FBXL5: variants seen among roughly 807,000 people sequenced by gnomAD.
The protein encoded by FBXL5 is F-box/LRR-repeat protein 5.
FBXL5 carries 26 observed loss-of-function variants against 78.3 expected under a neutral mutation model. The ratio of observed to expected loss-of-function variants is 0.33; its 90% CI spans 0.24 to 0.46. FBXL5 has a LOEUF of 0.46. Ranked by LOEUF, FBXL5 falls within the 20% of genes least tolerant of loss-of-function variation. The pLI is 1.00. For synonymous variants in FBXL5, 295 were observed against 282.5 expected (o/e 1.04, Z -0.45); for missense variants, 710 against 829.2 (o/e 0.86, Z 1.77).
intron 2 of FBXL5, 40 bp from the exon 3 acceptor site, chr4:15,640,923 G>T (rs368901189): frequency 1.7e-6 from 2 of 1,147,592 alleles, no homozygotes; most frequent in Non-Finnish European, 2.4e-6. Context: ...TAAAAGTTTC[G>T]CTTCATTAAT....
At chr4:15,615,774 C>T (rs1452924841) in intron 9 of FBXL5, among the ~76,000 whole-genome samples, 1 of 151,868 alleles carries the variant, frequency 6.6e-6, no homozygotes, top group Non-Finnish European at 1.5e-5. Context: ...CAATCAGCGC[C>T]CTGACAAAAA....
In FBXL5 at chr4:15,638,275, G is replaced by A. The variant is rs1714489350; in HGVS notation, c.583+233C>T. On this transcript the variant is annotated intron_variant, in intron 4 of 10. Coordinates refer to ENST00000341285, the MANE Select transcript of FBXL5 (RefSeq NM_012161.4). ...TTCATTCATATATAAATTTATTCAA[G>A]AAACACTACACTGAATATGTCCCAA... Among the ~76,000 whole-genome samples, 4 of 152,116 alleles carry A rather than the reference G, an allele frequency of 2.6e-5. No individual in the cohort carries two copies. In the South Asian group the frequency reaches 8.3e-4, roughly 32 times the overall value.
At chr4:15,642,011 G>C (rs1714936035) in intron 2 of FBXL5, among the ~76,000 whole-genome samples, 1 of 151,330 alleles carries the variant, frequency 6.6e-6, no homozygotes, top group Non-Finnish European at 1.5e-5. Flanking sequence ...ATGGGTGACA[G>C]AGCAAGACTC....
upstream of FBXL5, among the ~76,000 whole-genome samples, chr4:15,664,399 G>A (rs1717443266): frequency 6.6e-6 from 1 of 151,844 alleles, no homozygotes; most frequent in South Asian, 2.1e-4. Flanking sequence ...AAATCATATT[G>A]GCACACTAAT....
In FBXL5 at chr4:15,665,889, A is replaced by G. The variant is rs115226713; in HGVS notation, c.-283-5967T>C. Among the ~76,000 whole-genome samples the G allele has an allele frequency of 3.9e-3, 590 of 152,278 alleles. 7 individuals carry two copies. Among genetic ancestry groups the G allele is most frequent in the African/African-American group, 0.014 (571 of 41,560 alleles). ...ACCTGTTCTGACACCCTCCAAAGGA[A>G]TCTGGATCACAAGTGAACTGTCCAA... On this transcript the variant is annotated intron_variant, in intron 1 of 4. Coordinates refer to the FBXL5 transcript ENST00000507899.
At chr4:15,644,922 G>A (rs536112639) in intron 1 of FBXL5, among the ~76,000 whole-genome samples, 3 of 152,268 alleles carry the variant, frequency 2.0e-5, no homozygotes, top group Non-Finnish European at 4.4e-5. Flanking sequence ...ATTCTGGAGG[G>A]CCTGGTGACA....
At chr4:15,650,725 T>G (rs1351369179) in intron 1 of FBXL5, among the ~76,000 whole-genome samples, 1 of 134,608 alleles carries the variant, frequency 7.4e-6, no homozygotes, top group Non-Finnish European at 1.5e-5. Flanking sequence ...TGGAGTGCAA[T>G]CGCCAATTCC....
intron 8 of FBXL5, among the ~76,000 whole-genome samples, chr4:15,626,412 T>C (rs1219028769): frequency 6.6e-6 from 1 of 152,128 alleles, no homozygotes; most frequent in African/African-American, 2.4e-5. Context: ...GGTGCTGATA[T>C]AAATAGTTGG....
chr4:15,623,065 T>G (rs997365705), intron 9 of FBXL5, among the ~76,000 whole-genome samples: 1 of 152,182 alleles, frequency 6.6e-6, no homozygotes, highest in East Asian at 1.9e-4. Context: ...AAACCTTTTC[T>G]CTGCTTTTCT....
rs73239171 is a variant in FBXL5, at chr4:15,609,773, A to T, written c.1999+2493T>A. On this transcript the variant is annotated intron_variant, in intron 10 of 10. Transcript: ENST00000341285. ...ATCATTCAGAAGAATCTAGACTTGC[A>T]TTTTATATCAAGACACTTTATGTAC... 4.8e-3 allele frequency among the ~76,000 whole-genome samples: 735 copies of T among 152,156 alleles called. 5 individuals carry two copies. Among genetic ancestry groups the T allele is most frequent in the Middle Eastern group, 0.037 (11 of 294 alleles).
chr4:15,641,009 T>A, intron 2 of FBXL5, 126 bp from the exon 3 acceptor site: 1 of 507,228 alleles, frequency 2.0e-6, no homozygotes. Context: ...TGCAAAGTGG[T>A]CTCTGTACTT....
intron 1 of FBXL5, among the ~76,000 whole-genome samples, chr4:15,670,456 A>G (rs565340777): frequency 3.9e-5 from 6 of 152,324 alleles, no homozygotes; most frequent in Admixed American, 2.0e-4. Context: ...TGTTACCATC[A>G]TATCTTTTTT....
intron 1 of FBXL5, among the ~76,000 whole-genome samples, chr4:15,665,529 T>C (rs1717504472): frequency 6.6e-6 from 1 of 152,196 alleles, no homozygotes; most frequent in Non-Finnish European, 1.5e-5. Flanking sequence ...ATTACTTGAA[T>C]GCTAAACACC....
intron 5 of FBXL5, among the ~76,000 whole-genome samples, chr4:15,633,274 T>G (rs1269947190): frequency 6.6e-6 from 1 of 152,162 alleles, no homozygotes; most frequent in African/African-American, 2.4e-5. Flanking sequence ...ATACAAAAAG[T>G]TTTTCAACTT....
chr4:15,627,131 C>CTTTTT (rs33920814), intron 7 of FBXL5, among the ~76,000 whole-genome samples, 176 bp from the exon 8 acceptor site: 2 of 87,828 alleles, frequency 2.3e-5, no homozygotes, highest in Non-Finnish European at 4.4e-5. Flanking sequence ...CTGAGAATCT[C>CTTTTT]TTTTTTTTTT....
At chr4:15,671,402 T>C (rs1354524071) in intron 1 of FBXL5, among the ~76,000 whole-genome samples, 1 of 152,122 alleles carries the variant, frequency 6.6e-6, no homozygotes, top group Non-Finnish European at 1.5e-5. Flanking sequence ...TTTATCTTTA[T>C]CACTGGTATT....
chr4:15,629,611 A>G (rs1215891116), intron 6 of FBXL5, among the ~76,000 whole-genome samples: 1 of 152,068 alleles, frequency 6.6e-6, no homozygotes, highest in Admixed American at 6.5e-5. Context: ...CATTTTGTTC[A>G]CCATTAGATC....
intron 7 of FBXL5, 76 bp from the exon 8 acceptor site, chr4:15,627,031 C>A: frequency 2.6e-6 from 2 of 781,694 alleles, no homozygotes; most frequent in South Asian, 1.9e-5. Flanking sequence ...TATTAGTAAA[C>A]ATAATCTAGT....
Position 15,605,507 on chromosome 4 carries a change from A to G in FBXL5, c.*216T>C. 1 of 496,370 alleles carries G rather than the reference A, an allele frequency of 2.0e-6. No individual in the cohort carries two copies. The highest frequency in any genetic ancestry group is 2.6e-5 in the South Asian group (1 of 38,900). 30.7% of individuals were successfully genotyped at this position (496,370 alleles called of 1,614,324 possible). A position where few individuals can be genotyped will look rare whatever the true frequency, so the allele number is the denominator to read the frequency against. Reference sequence around the variant, plus strand: ...TGTAAGACTGTTCTCACCCTTTTGAAAAGACCTAATCCCTTTCTAAACCAA... The same window carrying G: ...TGTAAGACTGTTCTCACCCTTTTGAGAAGACCTAATCCCTTTCTAAACCAA... On this transcript the variant is annotated 3_prime_UTR_variant, in exon 11 of 11. Coordinates refer to ENST00000341285, the MANE Select transcript of FBXL5 (RefSeq NM_012161.4).
Sources: allele counts gnomAD v4.1 joint callset (sites outside exome capture counted in the v4.1 genomes callset), GRCh38; gene constraint gnomAD v4.1.1; transcripts MANE v1.5; gene names NCBI Gene and HGNC (gene_info 2026-07-23, HGNC 2026-07-21).